The following TFDP2 variants were observed in gnomAD, a reference collection of about 807,000 sequenced individuals.
The protein encoded by TFDP2 is transcription factor Dp-2.
Under a neutral mutation model 59.3 loss-of-function variants are expected in TFDP2, and 17 were observed. The observed-to-expected ratio is 0.29, with a 90% CI of 0.20 to 0.43. The LOEUF is 0.43. Ranked by LOEUF, TFDP2 falls within the 20% of genes least tolerant of loss-of-function variation. The pLI, the probability that TFDP2 is intolerant of heterozygous loss-of-function variation, is 1.00. For synonymous variants in TFDP2, 180 were observed against 194.7 expected (o/e 0.92, Z 0.63); for missense variants, 391 against 528.8 (o/e 0.74, Z 2.56).
intron 3 of TFDP2, among the ~76,000 whole-genome samples, chr3:142,047,541 A>G (rs1417481338): frequency 6.6e-6 from 1 of 152,052 alleles, no homozygotes; most frequent in East Asian, 1.9e-4. Flanking sequence ...TGCTGCTAAC[A>G]GGAGTGTATA....
intron 1 of TFDP2, among the ~76,000 whole-genome samples, chr3:142,129,611 A>T (rs559018898): frequency 4.6e-5 from 7 of 152,194 alleles, no homozygotes; most frequent in Non-Finnish European, 7.4e-5. Context: ...AACAATTTTT[A>T]AAAAAAGAAC....
At chr3:142,047,375 A>G (rs1178071991) in intron 3 of TFDP2, among the ~76,000 whole-genome samples, 1 of 152,196 alleles carries the variant, frequency 6.6e-6, no homozygotes, top group Non-Finnish European at 1.5e-5. Context: ...TGTGAATTAT[A>G]ATAACACTAT....
chr3:142,064,240 C>T lies in TFDP2; in HGVS notation c.82+28821G>A, dbSNP rs1410839161. ...TGCTGAGATGACCGTGCCTGGCCAA[C>T]AGTAGTGCTTAAAGTATGGTCCAGT... On this transcript the variant is annotated intron_variant, in intron 3 of 12. Coordinates refer to ENST00000489671, the MANE Select transcript of TFDP2 (RefSeq NM_001178139.2). Among the ~76,000 whole-genome samples, 4 of 152,280 alleles carry T rather than the reference C, an allele frequency of 2.6e-5. No individual in the cohort carries two copies. In the East Asian group the frequency reaches 7.7e-4, roughly 29 times the overall value.
intron 1 of TFDP2, among the ~76,000 whole-genome samples, chr3:142,113,344 C>T (rs1195649252): frequency 8.6e-5 from 13 of 151,960 alleles, no homozygotes; most frequent in Admixed American, 8.5e-4. Context: ...CTGCAACCTC[C>T]GCCTCCCGGG....
At chr3:142,089,870 TATAA>T (rs1402914215) in intron 3 of TFDP2, among the ~76,000 whole-genome samples, 4 of 152,110 alleles carry the variant, frequency 2.6e-5, no homozygotes, top group African/African-American at 7.2e-5. Flanking sequence ...AACATAGTTA[TATAA>T]ATAATTATGA....
intron 3 of TFDP2, chr3:142,043,697 C>T (rs1002239167): frequency 1.8e-6 from 2 of 1,093,140 alleles, no homozygotes; most frequent in African/African-American, 3.1e-5. Context: ...CGTTCTTCAC[C>T]GTGCTTGCGT....
chr3:141,997,854 A>G (rs1345115069), intron 4 of TFDP2, among the ~76,000 whole-genome samples: 5 of 148,090 alleles, frequency 3.4e-5, no homozygotes, highest in Non-Finnish European at 6.1e-5. Flanking sequence ...CATCTCAAAA[A>G]AAAAAAAAAA....
chr3:142,062,351 T>C (rs1002112602), intron 3 of TFDP2, among the ~76,000 whole-genome samples: 2 of 150,648 alleles, frequency 1.3e-5, no homozygotes, highest in Admixed American at 1.3e-4. Context: ...CACTGCGTTG[T>C]TCAAGGGTCA....
intron 1 of TFDP2, among the ~76,000 whole-genome samples, chr3:142,115,358 G>A (rs542362724): frequency 3.6e-5 from 5 of 138,214 alleles, no homozygotes; most frequent in African/African-American, 1.1e-4. Flanking sequence ...CCGCTCTCTC[G>A]CTCAGGCTGG....
intron 3 of TFDP2, among the ~76,000 whole-genome samples, chr3:142,030,026 A>G (rs1348793243): frequency 2.0e-5 from 3 of 152,238 alleles, no homozygotes; most frequent in African/African-American, 7.2e-5. Flanking sequence ...GAGACGCTGT[A>G]AAGTATTTGG....
At chr3:142,050,394 C>G (rs888143966) in intron 3 of TFDP2, among the ~76,000 whole-genome samples, 8 of 152,072 alleles carry the variant, frequency 5.3e-5, no homozygotes, top group Admixed American at 2.6e-4. Flanking sequence ...TCTCTTCTAG[C>G]CTTTCTATAT....
chr3:142,087,854 C>T (rs1240336798), intron 3 of TFDP2, among the ~76,000 whole-genome samples: 1 of 152,178 alleles, frequency 6.6e-6, no homozygotes, highest in African/African-American at 2.4e-5. Context: ...ATTAGCATTA[C>T]AGATTATGAG....
intron 6 of TFDP2, among the ~76,000 whole-genome samples, chr3:141,993,057 G>T (rs570934716): frequency 6.6e-6 from 1 of 150,876 alleles, no homozygotes; most frequent in Non-Finnish European, 1.5e-5. Context: ...AAACTTAGCC[G>T]GGTGTGGTGG....
intron 10 of TFDP2, among the ~76,000 whole-genome samples, chr3:141,962,413 T>C (rs553099382): frequency 7.2e-5 from 11 of 151,740 alleles, no homozygotes; most frequent in African/African-American, 2.4e-4. Context: ...GGCTGGAGTG[T>C]AGTGGCACAA....
chr3:142,082,867 C>G (rs2060686672), intron 3 of TFDP2, among the ~76,000 whole-genome samples: 1 of 149,556 alleles, frequency 6.7e-6, no homozygotes, highest in Non-Finnish European at 1.5e-5. Flanking sequence ...AAGGAACGTA[C>G]CTCAACATAA....
intron 1 of TFDP2, among the ~76,000 whole-genome samples, chr3:142,123,830 T>C (rs1204922254): frequency 3.3e-5 from 5 of 152,086 alleles, no homozygotes; most frequent in Admixed American, 6.6e-5. Flanking sequence ...AGATGAAAGA[T>C]AGAAGTATAT....
chr3:142,000,040 C>T (rs2108232440), intron 4 of TFDP2, among the ~76,000 whole-genome samples: 1 of 152,196 alleles, frequency 6.6e-6, no homozygotes, highest in Non-Finnish European at 1.5e-5. Flanking sequence ...CAGCCTAATC[C>T]AAGAATTCTT....
In TFDP2 at chr3:141,959,654, GA is replaced by G. The variant is rs1937118324; in HGVS notation, c.1051+19del. Reference sequence around the variant, plus strand: ...CAACATTTAATCAGGGACAACACATGAAAGCATCAGTTAACATACCTGTGAT... The same window carrying G: ...CAACATTTAATCAGGGACAACACATGAAGCATCAGTTAACATACCTGTGAT... On this transcript the variant is annotated intron_variant, in intron 11 of 12. Coordinates refer to ENST00000489671, the MANE Select transcript of TFDP2 (RefSeq NM_001178139.2). 2 of 1,606,558 alleles carry G rather than the reference GA, an allele frequency of 1.2e-6. No individual in the cohort carries two copies. Among genetic ancestry groups the G allele is most frequent in the Non-Finnish European group, 1.7e-6 (2 of 1,175,154 alleles).
chr3:141,995,940 T>C (rs963126083), intron 4 of TFDP2, among the ~76,000 whole-genome samples: 9 of 140,970 alleles, frequency 6.4e-5, no homozygotes, highest in East Asian at 2.0e-4. Context: ...TCTTTGAAGA[T>C]AGTTTAAAGA....
Sources: allele counts gnomAD v4.1 joint callset (sites outside exome capture counted in the v4.1 genomes callset), GRCh38; gene constraint gnomAD v4.1.1; transcripts MANE v1.5; gene names NCBI Gene and HGNC (gene_info 2026-07-23, HGNC 2026-07-21).